RHBDD1: variants seen among roughly 807,000 people sequenced by gnomAD.
The protein encoded by RHBDD1 is rhomboid-related protein 4.
In RHBDD1, 38 loss-of-function variants were observed where a neutral mutation model predicts 36.3. The observed-to-expected ratio is 1.05, with a 90% confidence interval of 0.81 to 1.37. The LOEUF (loss-of-function observed/expected upper bound fraction) is 1.37, where lower values mean the gene tolerates loss of function less well. Among genes scored for constraint, RHBDD1 ranks in the 40% most tolerant of loss-of-function variants. The pLI is 0.00. For missense variants in RHBDD1, 393 were observed against 377.6 expected (o/e 1.04, Z -0.34); for synonymous variants, 151 against 136.5 (o/e 1.11, Z -0.74).
the RHBDD1 span, among the ~76,000 whole-genome samples, chr2:226,830,428 T>C: frequency 6.6e-6 from 1 of 152,240 alleles, no homozygotes; most frequent in South Asian, 2.1e-4. Context: ...ACTTTTGTTA[T>C]AGCAGCTCAA....
upstream of RHBDD1, among the ~76,000 whole-genome samples, chr2:226,833,136 A>AT (rs1940782950): frequency 6.6e-6 from 1 of 152,144 alleles, no homozygotes. Flanking sequence ...CCAATTTCTC[A>AT]TTTTTACAGT....
At chr2:226,871,857 GTT>G (rs1479935055) in intron 5 of RHBDD1, among the ~76,000 whole-genome samples, 2 of 152,182 alleles carry the variant, frequency 1.3e-5, no homozygotes, top group African/African-American at 2.4e-5. Flanking sequence ...GGAATTACAA[GTT>G]TAATTACTTG....
At position 226,955,799 on chromosome 2, in the gene RHBDD1, T is replaced by A. The variant is rs2149243205; in HGVS notation, c.857-39632T>A. Among the ~76,000 whole-genome samples the A allele has an allele frequency of 1.3e-5, 2 of 152,334 alleles. 1 individual carries two copies. The highest frequency in any genetic ancestry group is 6.8e-3 in the Middle Eastern group (2 of 294). ...CCTCTGCTTATAAGGACATCAGTCC[T>A]GTTGGATTAGGGCTCCACCCCTATC... On this transcript the variant is annotated intron_variant, in intron 8 of 8. Transcript: ENST00000392062.
intron 6 of RHBDD1, among the ~76,000 whole-genome samples, chr2:226,907,965 A>G (rs1442189734): frequency 6.6e-6 from 1 of 152,178 alleles, no homozygotes; most frequent in African/African-American, 2.4e-5. Flanking sequence ...TCTCATGATG[A>G]AGCGGTTAGT....
At chr2:226,836,368 C>T (rs1940959843) in intron 1 of RHBDD1, among the ~76,000 whole-genome samples, 1 of 152,204 alleles carries the variant, frequency 6.6e-6, no homozygotes, top group Admixed American at 6.5e-5. Flanking sequence ...AACGACGTGC[C>T]CACACTCGGA....
At position 226,908,822 on chromosome 2, in the gene RHBDD1, GC is replaced by G. The variant is rs759947347; in HGVS notation, c.657del (p.Gly220ValfsTer49). On this transcript the variant is annotated frameshift_variant and splice_region_variant, in exon 7 of 9. Transcript: ENST00000392062. LOFTEE classifies it high-confidence loss of function. ...AAATGTTTATTTCTTTTACGTTTAG[GC>G]GGTTTTTCCTCCAGTGTTGGTTACC... ...PLKKIMEACA[G>X]GFSSSVGYPG... The G allele has an allele frequency of 1.2e-6, 2 of 1,602,326 alleles. No homozygotes were observed. Among genetic ancestry groups the G allele is most frequent in the Admixed American group, 3.3e-5 (2 of 59,984 alleles).
chr2:226,916,522 T>C (rs966964416), intron 8 of RHBDD1, among the ~76,000 whole-genome samples: 1 of 152,154 alleles, frequency 6.6e-6, no homozygotes, highest in African/African-American at 2.4e-5. Flanking sequence ...ATACAGCCTA[T>C]CTCTATCCCC....
intron 8 of RHBDD1, among the ~76,000 whole-genome samples, chr2:226,957,389 A>G (rs1196210123): frequency 6.6e-6 from 1 of 152,196 alleles, no homozygotes; most frequent in African/African-American, 2.4e-5. Context: ...CTTCATCAAA[A>G]TTAAAAAATG....
intron 8 of RHBDD1, among the ~76,000 whole-genome samples, chr2:226,991,151 C>CTGTATT (rs1158141776): frequency 6.6e-6 from 1 of 152,172 alleles, no homozygotes; most frequent in Admixed American, 6.5e-5. Flanking sequence ...GAATTGAGCT[C>CTGTATT]TGTATTTTAA....
At chr2:226,914,612 T>G (rs758982305) in intron 8 of RHBDD1, 13 of 216,926 alleles carry the variant, frequency 6.0e-5, no homozygotes, top group Non-Finnish European at 9.0e-5. Context: ...GCTTTGGCAT[T>G]AAAGTCAAGA....
the RHBDD1 span, among the ~76,000 whole-genome samples, chr2:226,816,703 C>T: frequency 6.6e-6 from 1 of 152,174 alleles, no homozygotes; most frequent in East Asian, 1.9e-4. Flanking sequence ...TGAGACCGGC[C>T]TGACCAACAT....
At chr2:226,814,813 G>T in the RHBDD1 span, among the ~76,000 whole-genome samples, 1 of 152,200 alleles carries the variant, frequency 6.6e-6, no homozygotes. Flanking sequence ...ATTACTCACA[G>T]AAAAAGCATT....
chr2:226,832,327 C>T (rs1458504812), upstream of RHBDD1, among the ~76,000 whole-genome samples: 1 of 152,200 alleles, frequency 6.6e-6, no homozygotes, highest in Non-Finnish European at 1.5e-5. Flanking sequence ...TTTAATTCCA[C>T]TGTAACTGGA....
At chr2:226,804,271 C>T in the RHBDD1 span, 1 of 152,140 alleles carries the variant, frequency 6.6e-6, no homozygotes, top group Admixed American at 6.5e-5. Context: ...AAACCAAAAT[C>T]TCTTAGGGAA....
At position 226,914,189 on chromosome 2, in the gene RHBDD1, CT is replaced by C; in HGVS notation, c.713-15del. ...ACAGTCCATAGCTGTGTTCTAGAAC[CT>C]TTTCCTTGTGCCTTTAGGCAGCTCT... On this transcript the variant is annotated intron_variant, in intron 7 of 8. Coordinates refer to ENST00000392062, the MANE Select transcript of RHBDD1 (RefSeq NM_001167608.3). 2 of 1,612,476 alleles carry C rather than the reference CT, an allele frequency of 1.2e-6. No homozygotes were observed.
intron 5 of RHBDD1, among the ~76,000 whole-genome samples, chr2:226,888,878 G>A (rs897626997): frequency 5.9e-5 from 9 of 152,128 alleles, no homozygotes; most frequent in African/African-American, 2.2e-4. Context: ...GAATCTGCAC[G>A]TTAGGAATTA....
chr2:226,941,119 T>TTTG (rs775341306), intron 8 of RHBDD1, among the ~76,000 whole-genome samples: 1 of 151,984 alleles, frequency 6.6e-6, no homozygotes, highest in Non-Finnish European at 1.5e-5. Context: ...GCAAAGCTTT[T>TTTG]TTGTTGTTGT....
chr2:226,854,601 GAAAA>G (rs34985443), intron 3 of RHBDD1, among the ~76,000 whole-genome samples: 1 of 83,680 alleles, frequency 1.2e-5, no homozygotes. Flanking sequence ...ACTCTGTTTC[GAAAA>G]AAAAAAAAAA....
At chr2:226,800,631 A>G in the RHBDD1 span, among the ~76,000 whole-genome samples, 1 of 152,172 alleles carries the variant, frequency 6.6e-6, no homozygotes, top group Non-Finnish European at 1.5e-5. Context: ...GGGAGGGGAA[A>G]TGAGAGGTCC....
Sources: allele counts gnomAD v4.1 joint callset (sites outside exome capture counted in the v4.1 genomes callset), GRCh38; gene constraint gnomAD v4.1.1; transcripts MANE v1.5; gene names NCBI Gene and HGNC (gene_info 2026-07-23, HGNC 2026-07-21).